The following DAB2IP variants were observed in gnomAD, a reference collection of about 807,000 sequenced individuals.
DAB2IP encodes disabled homolog 2-interacting protein.
Under a neutral mutation model 107.2 loss-of-function variants are expected in DAB2IP, and 28 were observed. That is an observed-to-expected ratio of 0.26 (90% CI 0.19 to 0.36). The LOEUF (loss-of-function observed/expected upper bound fraction) is 0.36. Ranked by LOEUF, DAB2IP falls within the 10% of genes least tolerant of loss-of-function variation. The probability of loss-of-function intolerance (pLI) is 1.00; values close to 1 mark genes in which losing one functional copy is unlikely to be tolerated. For missense variants in DAB2IP, 1,400 were observed against 1,644.7 expected (o/e 0.85, Z 2.57); for synonymous variants, 755 against 706.4 (o/e 1.07, Z -1.09).
At chr9:121,712,998 C>T (rs2118785016) in intron 3 of DAB2IP, among the ~76,000 whole-genome samples, 1 of 152,334 alleles carries the variant, frequency 6.6e-6, no homozygotes, top group Non-Finnish European at 1.5e-5. Flanking sequence ...TGGAGCGGCC[C>T]CTGCCCTTGG....
At chr9:121,613,936 T>G (rs1831178051) in intron 1 of DAB2IP, among the ~76,000 whole-genome samples, 1 of 152,120 alleles carries the variant, frequency 6.6e-6, no homozygotes, top group Non-Finnish European at 1.5e-5. Flanking sequence ...GTGTTGATGG[T>G]GTTGGCTTCT....
chr9:121,603,304 C>G (rs936596877), intron 1 of DAB2IP, among the ~76,000 whole-genome samples: 17 of 152,218 alleles, frequency 1.1e-4, no homozygotes, highest in African/African-American at 3.1e-4. Context: ...AGGAGAGATA[C>G]AGGGTGGAGG....
chr9:121,674,891 G>A (rs1404979713), intron 1 of DAB2IP, among the ~76,000 whole-genome samples: 1 of 151,956 alleles, frequency 6.6e-6, no homozygotes, highest in African/African-American at 2.4e-5. Context: ...GTGTGTGTGT[G>A]TGTGGTGTGT....
chr9:121,671,403 C>G (rs1453073395), intron 1 of DAB2IP, among the ~76,000 whole-genome samples: 1 of 152,170 alleles, frequency 6.6e-6, no homozygotes, highest in Non-Finnish European at 1.5e-5. Context: ...GATGATTTCC[C>G]ATCTCAAAAT....
chr9:121,604,183 C>T (rs1413999682), intron 1 of DAB2IP, among the ~76,000 whole-genome samples: 3 of 152,212 alleles, frequency 2.0e-5, no homozygotes, highest in Non-Finnish European at 4.4e-5. Context: ...CCTGGGTAGT[C>T]TTGACCAGGA....
At chr9:121,596,722 A>G (rs1830538243) in intron 1 of DAB2IP, among the ~76,000 whole-genome samples, 1 of 152,076 alleles carries the variant, frequency 6.6e-6, no homozygotes, top group South Asian at 2.1e-4. Context: ...CCTTACTAGT[A>G]TTATCATTAT....
chr9:121,590,350 T>C (rs756064468), intron 1 of DAB2IP, among the ~76,000 whole-genome samples: 71 of 151,646 alleles, frequency 4.7e-4, no homozygotes, highest in Non-Finnish European at 8.4e-4. Flanking sequence ...TGGGTCTTCA[T>C]CCTATGATGC....
At position 121,699,381 on chromosome 9, in the gene DAB2IP, G is replaced by T; in HGVS notation, c.285G>T (p.Lys95Asn). Reference sequence around the variant, plus strand: ...TCAAGCGCACCAAGAGCCAGCCCAAGCTGGACCGCAACCACAGCTTCCGCC... The same window carrying T: ...TCAAGCGCACCAAGAGCCAGCCCAATCTGGACCGCAACCACAGCTTCCGCC... Residue 95 changes from lysine to asparagine, a missense_variant, in exon 3 of 16, where the codon AAG becomes AAT. This residue lies in a region of DAB2IP where 283 missense variants were observed against 237.0 expected (regional missense o/e 1.19). Coordinates refer to ENST00000408936, the Ensembl canonical transcript of DAB2IP. The surrounding 1 kb of genome is among the most constrained non-coding windows in gnomAD (Gnocchi z 6.2). The T allele has an allele frequency of 6.8e-7, 1 of 1,479,026 alleles. No individual in the cohort carries two copies. The highest frequency in any genetic ancestry group is 9.0e-7 in the Non-Finnish European group (1 of 1,105,342). The allele number at this position is 1,479,026 out of a possible 1,614,324, so 91.6% of individuals were successfully genotyped here.
At chr9:121,713,723 G>A (rs1462030489) in intron 3 of DAB2IP, among the ~76,000 whole-genome samples, 1 of 152,162 alleles carries the variant, frequency 6.6e-6, no homozygotes, top group Non-Finnish European at 1.5e-5. Context: ...GGGCTTAGAG[G>A]CTGCACCGGG....
At chr9:121,774,481 T>C (rs1033862590) in intron 13 of DAB2IP, 69 bp downstream of exon 13, 3 of 1,457,910 alleles carry the variant, frequency 2.1e-6, no homozygotes, top group South Asian at 1.4e-5. Context: ...TAGGAGTCTC[T>C]CCCCCAGGTC....
At chr9:121,601,810 T>C (rs1384883736) in intron 1 of DAB2IP, among the ~76,000 whole-genome samples, 1 of 152,216 alleles carries the variant, frequency 6.6e-6, no homozygotes, top group Non-Finnish European at 1.5e-5. Flanking sequence ...CTGGCTGGGC[T>C]GTGCACCAAA....
chr9:121,674,387 T>C (rs6478524), intron 1 of DAB2IP, among the ~76,000 whole-genome samples: 54,115 of 152,048 alleles, frequency 0.36, 10,670 homozygotes, highest in African/African-American at 0.54. Context: ...GCCCCAGGTT[T>C]CCCTCCAGTT....
chr9:121,693,589 G>A (rs1253240129), intron 2 of DAB2IP, among the ~76,000 whole-genome samples: 5 of 152,306 alleles, frequency 3.3e-5, no homozygotes, highest in East Asian at 1.9e-4. Flanking sequence ...GGGAGGAGCC[G>A]GGCCTTGGCG....
intron 13 of DAB2IP, among the ~76,000 whole-genome samples, chr9:121,775,586 C>G (rs1214201904): frequency 1.3e-5 from 2 of 152,230 alleles, no homozygotes; most frequent in Non-Finnish European, 2.9e-5. Flanking sequence ...CGCTTCCCAG[C>G]CTCGTCCACA....
Position 121,774,259 on chromosome 9 carries a change from G to C in DAB2IP, c.2968-1G>C. 1 of 1,607,444 alleles carries C rather than the reference G, an allele frequency of 6.2e-7. No homozygotes were observed. Among genetic ancestry groups the C allele is most frequent in the Non-Finnish European group, 8.5e-7 (1 of 1,177,084 alleles). On this transcript the variant is annotated splice_acceptor_variant, in intron 12 of 15. Transcript: ENST00000408936. LOFTEE classifies it high-confidence loss of function. Reference sequence around the variant, plus strand: ...CCCCTCACAGCTGTGTTTCATTGTAGGGCCCTTCACCTGTGAGCCCCAATG... The same window carrying C: ...CCCCTCACAGCTGTGTTTCATTGTACGGCCCTTCACCTGTGAGCCCCAATG...
At chr9:121,620,422 T>C (rs1452328067) in intron 1 of DAB2IP, among the ~76,000 whole-genome samples, 1 of 152,210 alleles carries the variant, frequency 6.6e-6, no homozygotes, top group Non-Finnish European at 1.5e-5. Flanking sequence ...GGAGTCTGAA[T>C]GGGTTTAGAA....
At chr9:121,744,603 TTA>T (rs1347024810) in intron 3 of DAB2IP, among the ~76,000 whole-genome samples, 1 of 152,238 alleles carries the variant, frequency 6.6e-6, no homozygotes, top group Non-Finnish European at 1.5e-5. Context: ...CTTCCTGTAG[TTA>T]CTTAAAAGTT....
At chr9:121,644,568 G>T (rs1021747546) in intron 1 of DAB2IP, among the ~76,000 whole-genome samples, 1 of 152,026 alleles carries the variant, frequency 6.6e-6, no homozygotes, top group South Asian at 2.1e-4. Flanking sequence ...TTGCACTTCA[G>T]CCTGGGCTTG....
At chr9:121,624,513 C>T (rs2119001251) in intron 1 of DAB2IP, among the ~76,000 whole-genome samples, 1 of 152,300 alleles carries the variant, frequency 6.6e-6, no homozygotes, top group Middle Eastern at 3.4e-3. Flanking sequence ...ATATTTCGGT[C>T]AAGGACAGAC....
Sources: allele counts gnomAD v4.1 joint callset (sites outside exome capture counted in the v4.1 genomes callset), GRCh38; gene constraint gnomAD v4.1.1; regional missense constraint gnomAD v4.1.1; non-coding constraint Gnocchi (gnomAD v3.1); transcripts MANE v1.5; gene names NCBI Gene and HGNC (gene_info 2026-07-23, HGNC 2026-07-21).